KCND2: variants seen among roughly 807,000 people sequenced by gnomAD.
KCND2 encodes the protein A-type voltage-gated potassium channel KCND2.
Under a neutral mutation model 54.4 loss-of-function variants are expected in KCND2, and 16 were observed. That is an observed-to-expected ratio of 0.29 (90% confidence interval 0.20 to 0.45). The LOEUF is 0.45. Ranked by LOEUF, KCND2 falls within the 20% of genes least tolerant of loss-of-function variation. The pLI is 1.00. For synonymous variants in KCND2, 317 were observed against 310.7 expected (o/e 1.02, Z -0.21); for missense variants, 486 against 824.2 (o/e 0.59, Z 5.02).
chr7:120,724,667 C>G (rs1792711100), intron 1 of KCND2, among the ~76,000 whole-genome samples: 1 of 152,022 alleles, frequency 6.6e-6, no homozygotes, highest in African/African-American at 2.4e-5. Context: ...TGACCAGACT[C>G]ACAGATATGT....
chr7:120,673,909 A>T (rs73219475), intron 1 of KCND2, among the ~76,000 whole-genome samples: 29,280 of 115,314 alleles, frequency 0.25, 3,777 homozygotes, highest in East Asian at 0.41. Context: ...TCTTTTATTT[A>T]TTTTTTTTTT....
chr7:120,653,191 G>A (rs1791759083), intron 1 of KCND2, among the ~76,000 whole-genome samples: 1 of 148,768 alleles, frequency 6.7e-6, no homozygotes, highest in Non-Finnish European at 1.5e-5. Flanking sequence ...ACACCACCAT[G>A]CCTGGCTACA....
chr7:120,455,341 A>G (rs867303677), intron 1 of KCND2, among the ~76,000 whole-genome samples: 8 of 152,296 alleles, frequency 5.3e-5, no homozygotes, highest in East Asian at 3.9e-4. Flanking sequence ...AAACAGACAC[A>G]TAGATTAATG....
At chr7:120,717,531 T>A (rs1217996699) in intron 1 of KCND2, among the ~76,000 whole-genome samples, 1 of 152,146 alleles carries the variant, frequency 6.6e-6, no homozygotes. Flanking sequence ...ACTGTAACTT[T>A]GACAAAGAAA....
In KCND2 at chr7:120,677,914, A is replaced by G. The variant is rs1000179053; in HGVS notation, c.1116-54989A>G. 5.3e-5 allele frequency among the ~76,000 whole-genome samples: 8 copies of G among 152,204 alleles called. No individual in the cohort carries two copies. The South Asian group carries it at 1.7e-3, about 32-fold the overall frequency. Reference sequence around the variant, plus strand: ...TAGGTCAGTAAGAACATGTATAGCAACTGTTGTTTTAGGGTTCATGAAACT... The same window carrying G: ...TAGGTCAGTAAGAACATGTATAGCAGCTGTTGTTTTAGGGTTCATGAAACT... On this transcript the variant is annotated intron_variant, in intron 1 of 5. Coordinates refer to ENST00000331113, the MANE Select transcript of KCND2 (RefSeq NM_012281.3).
intron 1 of KCND2, among the ~76,000 whole-genome samples, chr7:120,631,497 C>T (rs941586108): frequency 2.0e-5 from 3 of 152,168 alleles, no homozygotes; most frequent in Middle Eastern, 6.8e-3. Context: ...GCATTTTTCA[C>T]TTCCTAGGAG....
intron 1 of KCND2, among the ~76,000 whole-genome samples, chr7:120,331,842 T>C (rs886865670): frequency 5.9e-5 from 9 of 152,116 alleles, no homozygotes; most frequent in African/African-American, 1.9e-4. Flanking sequence ...CTGCATATTG[T>C]GTCATATCCT....
chr7:120,742,297 G>A, intron 3 of KCND2: 1 of 541,592 alleles, frequency 1.8e-6, no homozygotes, highest in South Asian at 2.1e-5. Context: ...TCAATTCAAG[G>A]AGGCATGTCT....
At chr7:120,495,719 G>C (rs1218747014) in intron 1 of KCND2, among the ~76,000 whole-genome samples, 1 of 152,140 alleles carries the variant, frequency 6.6e-6, no homozygotes, top group African/African-American at 2.4e-5. Context: ...GTAGATTACT[G>C]AAAAGAAAGG....
intron 1 of KCND2, among the ~76,000 whole-genome samples, chr7:120,575,593 T>C (rs1024994286): frequency 4.6e-5 from 7 of 152,152 alleles, no homozygotes; most frequent in Non-Finnish European, 1.5e-5. Context: ...TCCAATCAAG[T>C]TGACAGTCAG....
chr7:120,402,353 A>G (rs997833904), intron 1 of KCND2, among the ~76,000 whole-genome samples: 3 of 152,154 alleles, frequency 2.0e-5, no homozygotes, highest in East Asian at 1.9e-4. Flanking sequence ...GTACAACGGA[A>G]TGATTGTAGT....
At chr7:120,681,696 A>G (rs1387852574) in intron 1 of KCND2, among the ~76,000 whole-genome samples, 2 of 152,062 alleles carry the variant, frequency 1.3e-5, no homozygotes, top group Non-Finnish European at 2.9e-5. Flanking sequence ...AATCATAACT[A>G]TTCACATTTT....
intron 1 of KCND2, among the ~76,000 whole-genome samples, chr7:120,623,705 AT>A (rs2116504453): frequency 6.6e-6 from 1 of 152,352 alleles, no homozygotes; most frequent in South Asian, 2.1e-4. Flanking sequence ...CATTATTTAA[AT>A]TGTAAAATGG....
intron 1 of KCND2, among the ~76,000 whole-genome samples, chr7:120,389,256 A>T (rs73217215): frequency 0.1 from 15,512 of 151,904 alleles, 830 homozygotes; most frequent in Admixed American, 0.13. Context: ...TTTTTATTAT[A>T]TATATGCCTA....
intron 1 of KCND2, among the ~76,000 whole-genome samples, chr7:120,457,614 C>G (rs1802218819): frequency 6.6e-6 from 1 of 152,212 alleles, no homozygotes; most frequent in South Asian, 2.1e-4. Context: ...GCATTTTAGT[C>G]AAAGCTATTC....
intron 1 of KCND2, among the ~76,000 whole-genome samples, chr7:120,575,799 T>G (rs1425420831): frequency 1.3e-5 from 2 of 152,188 alleles, no homozygotes; most frequent in Non-Finnish European, 2.9e-5. Context: ...AGCTGGTGAC[T>G]CTGGTATCAT....
At chr7:120,586,375 T>C (rs953099645) in intron 1 of KCND2, among the ~76,000 whole-genome samples, 3 of 152,172 alleles carry the variant, frequency 2.0e-5, no homozygotes, top group African/African-American at 7.2e-5. Context: ...CCTCTTGTTT[T>C]TGTCAAATGA....
chr7:120,423,967 G>T (rs1010329465), intron 1 of KCND2, among the ~76,000 whole-genome samples: 1 of 152,114 alleles, frequency 6.6e-6, no homozygotes, highest in African/African-American at 2.4e-5. Flanking sequence ...TTCTCATTAG[G>T]TTTAGCTATA....
intron 1 of KCND2, among the ~76,000 whole-genome samples, chr7:120,584,246 A>G (rs4730964): frequency 0.085 from 12,949 of 152,254 alleles, 632 homozygotes; most frequent in South Asian, 0.09. Context: ...TCAGCAGTTT[A>G]GCATTACATG....
Sources: gnomAD v4.1 joint callset for allele counts (sites outside exome capture counted in the v4.1 genomes callset) on GRCh38, gnomAD v4.1.1 for gene constraint, MANE v1.5 for transcripts, NCBI Gene and HGNC (gene_info 2026-07-23, HGNC 2026-07-21) for gene names.